GMDS: variants seen among roughly 807,000 people sequenced by gnomAD.
GMDS encodes GDP-mannose 4,6-dehydratase, also known as GDP-mannose 4,6 dehydratase.
In GMDS, 20 loss-of-function variants were observed where a neutral mutation model predicts 49.9. The observed-to-expected ratio is 0.40, with a 90% CI of 0.28 to 0.58. The LOEUF is 0.58. GMDS is among the 20% of genes least tolerant of loss of function. The pLI is 0.42. For missense variants in GMDS, 362 were observed against 481.4 expected (o/e 0.75, Z 2.32); for synonymous variants, 177 against 178.6 (o/e 0.99, Z 0.07).
At chr6:2,223,160 T>TAC (rs199880075) in intron 1 of GMDS, among the ~76,000 whole-genome samples, 64 of 151,754 alleles carry the variant, frequency 4.2e-4, no homozygotes, top group Non-Finnish European at 7.7e-4. Context: ...TATATATATA[T>TAC]ACACACATAT....
intron 8 of GMDS, among the ~76,000 whole-genome samples, chr6:1,740,000 C>T (rs1312827131): frequency 5.3e-5 from 8 of 152,172 alleles, no homozygotes; most frequent in African/African-American, 1.2e-4. Flanking sequence ...TATCATCCTT[C>T]GCAACTTTTG....
intron 7 of GMDS, among the ~76,000 whole-genome samples, chr6:1,824,423 C>CA (rs1258525524): frequency 1.3e-5 from 2 of 152,192 alleles, no homozygotes; most frequent in Non-Finnish European, 1.5e-5. Flanking sequence ...CCCCGCCCCC[C>CA]ATACAAAATT....
At chr6:1,918,512 G>A (rs760552175) in intron 7 of GMDS, among the ~76,000 whole-genome samples, 14 of 151,762 alleles carry the variant, frequency 9.2e-5, no homozygotes, top group Non-Finnish European at 1.6e-4. Flanking sequence ...TTGGGGGGCC[G>A]AGGTGGACAG....
rs191998237 is a variant in GMDS at position 2,044,900 on chromosome 6, G to T, written c.345+70871C>A. ...TTCTTTTCTGTGTGTGTGTGTGTGT[G>T]TTTTTTTCAGGCCTTTGATAACTTT... On this transcript the variant is annotated intron_variant, in intron 4 of 10. Coordinates refer to ENST00000380815, the MANE Select transcript of GMDS (RefSeq NM_001500.4). Among the ~76,000 whole-genome samples, 205 of 144,480 alleles carry T rather than the reference G, an allele frequency of 1.4e-3. No individual in the cohort carries two copies. In the East Asian group the frequency reaches 0.022, roughly 16 times the overall value. 94.8% of individuals were successfully genotyped at this position (144,480 alleles called of 152,430 possible).
intron 7 of GMDS, among the ~76,000 whole-genome samples, chr6:1,900,949 C>T (rs750610382): frequency 5.9e-5 from 9 of 152,228 alleles, no homozygotes; most frequent in Admixed American, 2.6e-4. Context: ...CTCACTACCA[C>T]GCAAGGGAGA....
At chr6:1,992,496 C>A (rs1766011393) in intron 4 of GMDS, among the ~76,000 whole-genome samples, 1 of 152,196 alleles carries the variant, frequency 6.6e-6, no homozygotes, top group Admixed American at 6.5e-5. Flanking sequence ...AGGCATGTTC[C>A]CGACCTAGGG....
At chr6:1,725,199 T>C (rs1459430399) in intron 9 of GMDS, among the ~76,000 whole-genome samples, 1 of 152,234 alleles carries the variant, frequency 6.6e-6, no homozygotes, top group Non-Finnish European at 1.5e-5. Context: ...CTAGAGATGA[T>C]GCTTTCTATT....
intron 1 of GMDS, among the ~76,000 whole-genome samples, chr6:2,157,810 A>G (rs537049956): frequency 6.6e-6 from 1 of 152,292 alleles, no homozygotes; most frequent in South Asian, 2.1e-4. Context: ...ACTCAATACA[A>G]TTATATGTTT....
rs139756758 is a variant in GMDS at position 1,700,078 on chromosome 6, C to T, written c.987+26338G>A. ...TATAGAAGAACCACCCCCTCCGCACCGACACCAAAGTGTATGAGCTCCCAC... is the reference window on the plus strand; with the variant it reads ...TATAGAAGAACCACCCCCTCCGCACTGACACCAAAGTGTATGAGCTCCCAC... On this transcript the variant is annotated intron_variant, in intron 9 of 10. Transcript: ENST00000380815. Among the ~76,000 whole-genome samples, 862 of 152,288 alleles carry T rather than the reference C, an allele frequency of 5.7e-3. 6 individuals carry two copies. Among genetic ancestry groups the T allele is most frequent in the Non-Finnish European group, 8.3e-3 (567 of 68,022 alleles).
At chr6:1,920,624 T>G (rs760897995) in intron 7 of GMDS, among the ~76,000 whole-genome samples, 14 of 152,236 alleles carry the variant, frequency 9.2e-5, no homozygotes, top group Admixed American at 6.5e-4. Flanking sequence ...TCACATCTTG[T>G]GAGAGATATT....
At chr6:1,911,926 A>T (rs918283523) in intron 7 of GMDS, among the ~76,000 whole-genome samples, 1 of 152,200 alleles carries the variant, frequency 6.6e-6, no homozygotes, top group Non-Finnish European at 1.5e-5. Flanking sequence ...CAAATCCTCT[A>T]GTACAGAGTT....
At chr6:2,049,130 C>T (rs1377512590) in intron 4 of GMDS, among the ~76,000 whole-genome samples, 1 of 152,148 alleles carries the variant, frequency 6.6e-6, no homozygotes, top group African/African-American at 2.4e-5. Context: ...TCCAGAACTG[C>T]AAAAGTAAAA....
At chr6:1,903,363 C>G (rs1323186054) in intron 7 of GMDS, among the ~76,000 whole-genome samples, 2 of 152,144 alleles carry the variant, frequency 1.3e-5, no homozygotes, top group African/African-American at 4.8e-5. Flanking sequence ...ATATGAATTT[C>G]TTCAATCGGA....
chr6:1,680,611 C>A (rs754867587), intron 9 of GMDS, among the ~76,000 whole-genome samples: 2 of 152,180 alleles, frequency 1.3e-5, no homozygotes, highest in Non-Finnish European at 2.9e-5. Flanking sequence ...CAAGGTCATA[C>A]TGCTGAGGCC....
At chr6:2,152,719 A>C (rs114266980) in intron 1 of GMDS, among the ~76,000 whole-genome samples, 683 of 152,294 alleles carry the variant, frequency 4.5e-3, no homozygotes, top group Non-Finnish European at 7.7e-3. Context: ...AAGTTACAAA[A>C]ATTTGGACAG....
intron 1 of GMDS, among the ~76,000 whole-genome samples, chr6:2,125,625 A>C (rs1775387208): frequency 6.6e-6 from 1 of 152,036 alleles, no homozygotes; most frequent in Non-Finnish European, 1.5e-5. Flanking sequence ...TCACTGGGGA[A>C]GGGGATAAGA....
chr6:1,904,815 T>C (rs886208731), intron 7 of GMDS, among the ~76,000 whole-genome samples: 10 of 152,206 alleles, frequency 6.6e-5, no homozygotes, highest in Non-Finnish European at 7.3e-5. Context: ...GACAAAGCCC[T>C]GTTCCCTCCT....
intron 4 of GMDS, among the ~76,000 whole-genome samples, chr6:2,067,829 C>G (rs1771715321): frequency 6.6e-6 from 1 of 152,112 alleles, no homozygotes; most frequent in African/African-American, 2.4e-5. Context: ...CGAATTCTAC[C>G]AGAGGTACGA....
At chr6:1,722,113 C>G (rs1766405714) in intron 9 of GMDS, among the ~76,000 whole-genome samples, 1 of 129,902 alleles carries the variant, frequency 7.7e-6, no homozygotes, top group Admixed American at 9.4e-5. Flanking sequence ...GACGCCCAGG[C>G]TGGAGTGCAG....
Sources: gnomAD v4.1 joint callset for allele counts (sites outside exome capture counted in the v4.1 genomes callset) on GRCh38, gnomAD v4.1.1 for gene constraint, MANE v1.5 for transcripts, NCBI Gene and HGNC (gene_info 2026-07-23, HGNC 2026-07-21) for gene names.